Variants in PACRG observed in about 807,000 individuals in gnomAD.
PACRG encodes parkin coregulated gene protein.
In PACRG, 29 loss-of-function variants were observed where a neutral mutation model predicts 29.7. The ratio of observed to expected loss-of-function variants is 0.98; its 90% confidence interval spans 0.73 to 1.33. The LOEUF is 1.33. PACRG is among the 40% of genes most tolerant of loss of function. PACRG has a pLI of 0.00. For synonymous variants in PACRG, 116 were observed against 118.7 expected (o/e 0.98, Z 0.15); for missense variants, 279 against 316.2 (o/e 0.88, Z 0.89).
In PACRG at chr6:163,170,475, A is replaced by AT. The variant is rs148380765; in HGVS notation, c.613+81071dup. ...AGGCACCACTAGAGGGCGAGCCTCC[A>AT]TTTTGAAAACTACCCAGAATCCCCT... On this transcript the variant is annotated intron_variant, in intron 4 of 4. Transcript: ENST00000366888. 7.3e-3 allele frequency: 1,107 copies of AT among 152,304 alleles called. 10 individuals carry two copies. Among genetic ancestry groups the AT allele is most frequent in the African/African-American group, 0.025 (1,049 of 41,524 alleles). The allele number at this position is 152,304 out of a possible 1,614,324, so 9.4% of individuals were successfully genotyped here. A position where few individuals can be genotyped will look rare whatever the true frequency, so the allele number is the denominator to read the frequency against.
At chr6:163,280,378 T>C (rs1784188258) in intron 4 of PACRG, among the ~76,000 whole-genome samples, 1 of 151,984 alleles carries the variant, frequency 6.6e-6, no homozygotes, top group African/African-American at 2.4e-5. Flanking sequence ...TTGCCTGGAT[T>C]TCACTGCATC....
chr6:162,786,154 C>T (rs998218851), intron 1 of PACRG, among the ~76,000 whole-genome samples: 1 of 152,194 alleles, frequency 6.6e-6, no homozygotes, highest in African/African-American at 2.4e-5. Context: ...GTCACCAGAG[C>T]ATATCTGAAC....
chr6:162,895,875 C>T (rs755190143), intron 2 of PACRG, among the ~76,000 whole-genome samples: 2 of 152,180 alleles, frequency 1.3e-5, no homozygotes, highest in African/African-American at 4.8e-5. Flanking sequence ...TTGCCCAAGT[C>T]GAACAGTTTC....
At chr6:163,235,324 T>C (rs1782194303) in intron 4 of PACRG, among the ~76,000 whole-genome samples, 1 of 152,228 alleles carries the variant, frequency 6.6e-6, no homozygotes, top group South Asian at 2.1e-4. Flanking sequence ...TAAAGCATCA[T>C]ATAATCTTCT....
intron 1 of PACRG, among the ~76,000 whole-genome samples, chr6:162,772,905 A>G (rs955161754): frequency 2.0e-5 from 3 of 152,216 alleles, no homozygotes; most frequent in East Asian, 1.9e-4. Context: ...TTGAGAGTTA[A>G]TAAGACTCAA....
rs141422518 is a variant in PACRG, at chr6:163,011,473, C to T, written c.292-50677C>T. ...TAAAAAATGGTACACCTATATAGGG[C>T]ATTTGCCATAAGGCTTACAGGACTG... On this transcript the variant is annotated intron_variant, in intron 2 of 4. Transcript: ENST00000366888. Among the ~76,000 whole-genome samples, 19 of 152,276 alleles carry T rather than the reference C, an allele frequency of 1.2e-4. 1 individual carries two copies. The highest frequency in any genetic ancestry group is 4.6e-4 in the African/African-American group (19 of 41,540).
intron 2 of PACRG, among the ~76,000 whole-genome samples, chr6:163,019,105 C>G (rs1323774947): frequency 6.6e-6 from 1 of 152,090 alleles, no homozygotes; most frequent in East Asian, 1.9e-4. Flanking sequence ...CAGTATCTTG[C>G]AAGTTCTTCT....
chr6:162,995,027 G>T (rs1250052451), intron 2 of PACRG, among the ~76,000 whole-genome samples: 8 of 150,998 alleles, frequency 5.3e-5, no homozygotes, highest in Admixed American at 1.3e-4. Flanking sequence ...GCCCCTGCTG[G>T]GGGGTGCCTC....
chr6:163,092,722 A>G (rs1270843319), intron 4 of PACRG, among the ~76,000 whole-genome samples: 1 of 152,178 alleles, frequency 6.6e-6, no homozygotes, highest in African/African-American at 2.4e-5. Context: ...CAAGGTGTTC[A>G]GGGCACCTTC....
At chr6:162,749,815 CA>C (rs1467997333) in intron 1 of PACRG, among the ~76,000 whole-genome samples, 2 of 152,098 alleles carry the variant, frequency 1.3e-5, no homozygotes, top group Non-Finnish European at 2.9e-5. Flanking sequence ...CCACCGCACC[CA>C]GCCAAGGAAA....
At chr6:163,240,246 AGG>A (rs2128167862) in intron 4 of PACRG, among the ~76,000 whole-genome samples, 1 of 143,300 alleles carries the variant, frequency 7.0e-6, no homozygotes, top group South Asian at 2.5e-4. Context: ...GTCTGGGAGG[AGG>A]AGGGGGGGAC....
chr6:162,817,543 G>T (rs1282789590), intron 2 of PACRG, among the ~76,000 whole-genome samples: 1 of 152,170 alleles, frequency 6.6e-6, no homozygotes, highest in Non-Finnish European at 1.5e-5. Flanking sequence ...CCAACAGTCT[G>T]CAGTGGTGGA....
At chr6:162,899,084 A>G (rs1273306893) in intron 2 of PACRG, among the ~76,000 whole-genome samples, 1 of 152,204 alleles carries the variant, frequency 6.6e-6, no homozygotes, top group Non-Finnish European at 1.5e-5. Context: ...TCAAGGTTAT[A>G]TTGTAGTACA....
chr6:163,310,778 T>G (rs1165143764), intron 4 of PACRG: 1 of 152,278 alleles, frequency 6.6e-6, no homozygotes. Flanking sequence ...AGCCTCTTGC[T>G]GGTCCGTGTC....
chr6:163,085,438 A>G (rs990367619), intron 3 of PACRG, among the ~76,000 whole-genome samples: 3 of 152,136 alleles, frequency 2.0e-5, no homozygotes, highest in Non-Finnish European at 4.4e-5. Context: ...GGGATTCTTG[A>G]GCTTGGGAAA....
chr6:163,094,314 G>A (rs540534420), intron 4 of PACRG, among the ~76,000 whole-genome samples: 1 of 152,114 alleles, frequency 6.6e-6, no homozygotes, highest in East Asian at 1.9e-4. Context: ...AATTTACTTC[G>A]AAGTCCCTTT....
At chr6:162,947,639 T>TC (rs1799336146) in intron 2 of PACRG, among the ~76,000 whole-genome samples, 1 of 82,714 alleles carries the variant, frequency 1.2e-5, no homozygotes, top group African/African-American at 4.8e-5. Flanking sequence ...TATATATATA[T>TC]ATATATATAC....
intron 4 of PACRG, among the ~76,000 whole-genome samples, chr6:163,222,081 G>A (rs544410514): frequency 3.6e-4 from 54 of 150,636 alleles, no homozygotes; most frequent in South Asian, 1.1e-3. Flanking sequence ...GTTCAGGTGC[G>A]CTGACCAAAT....
chr6:162,903,921 G>A (rs1224849395), intron 2 of PACRG, among the ~76,000 whole-genome samples: 1 of 152,174 alleles, frequency 6.6e-6, no homozygotes, highest in African/African-American at 2.4e-5. Flanking sequence ...ATAATAGGGA[G>A]ATTTATCTTA....
Sources: allele counts gnomAD v4.1 joint callset (sites outside exome capture counted in the v4.1 genomes callset), GRCh38; gene constraint gnomAD v4.1.1; transcripts MANE v1.5; gene names NCBI Gene and HGNC (gene_info 2026-07-23, HGNC 2026-07-21).